Variants in TEX46 observed in about 807,000 individuals in gnomAD.
The protein encoded by TEX46 is testis expressed 46, also known as testis-expressed protein 46.
TEX46 carries 6 observed loss-of-function variants against 5.3 expected under a neutral mutation model. The ratio of observed to expected loss-of-function variants is 1.13; its 90% CI spans 0.62 to 2.23. The LOEUF (loss-of-function observed/expected upper bound fraction) is 2.23, where lower values mean the gene tolerates loss of function less well. Ranked by LOEUF, TEX46 falls within the 30% of genes most tolerant of loss-of-function variation. TEX46 has a pLI of 0.00. For missense variants in TEX46, 131 were observed against 150.9 expected, an observed-to-expected ratio of 0.87 and a Z score of 0.69; for synonymous variants, 41 against 54.6, an observed-to-expected ratio of 0.75 and a Z score of 1.10.
intron 2 of TEX46, among the ~76,000 whole-genome samples, chr1:23,012,676 G>A (rs543915881): frequency 6.6e-6 from 1 of 152,300 alleles, no homozygotes; most frequent in East Asian, 1.9e-4. Flanking sequence ...GAAATGGCAG[G>A]TGTGCTACTT....
chr1:23,013,491 T>G (rs1641379278), intron 2 of TEX46, among the ~76,000 whole-genome samples: 1 of 152,256 alleles, frequency 6.6e-6, no homozygotes, highest in Non-Finnish European at 1.5e-5. Context: ...TTTTTAACAT[T>G]AAATGAAAGA....
chr1:23,012,359 A>T (rs747536992), intron 2 of TEX46, among the ~76,000 whole-genome samples: 4 of 9,410 alleles, frequency 4.3e-4, no homozygotes, highest in Non-Finnish European at 1.9e-3. Context: ...CTAAATACAT[A>T]AAAAAAAAAA....
intron 2 of TEX46, 56 bp downstream of exon 2, chr1:23,013,827 C>A: frequency 6.7e-7 from 1 of 1,493,324 alleles, no homozygotes. Flanking sequence ...CCCACCTAAT[C>A]TAGCTGCAAA....
Position 23,010,879 on chromosome 1 carries a change from AG to A in TEX46, c.*21del. On this transcript the variant is annotated 3_prime_UTR_variant, in exon 3 of 3. Coordinates refer to ENST00000566855, the MANE Select transcript of TEX46 (RefSeq NM_001242521.2). ...CTGAGGTAAAAGGTAACATCGGCAG[AG>A]GCCAGCCCGCCTCGGCCTCATTAGC... 6.6e-7 allele frequency: 1 copy of A among 1,511,836 alleles called. No homozygotes were observed. Among genetic ancestry groups the A allele is most frequent in the Non-Finnish European group, 8.9e-7 (1 of 1,127,474 alleles). 93.7% of individuals were successfully genotyped at this position (1,511,836 alleles called of 1,614,324 possible).
chr1:23,011,653 G>A (rs964863850), intron 2 of TEX46, among the ~76,000 whole-genome samples: 7 of 152,148 alleles, frequency 4.6e-5, no homozygotes, highest in African/African-American at 1.4e-4. Context: ...TCGAACTCCC[G>A]ACCTCAGGTG....
chr1:23,015,329 G>T (rs1430353299), intron 1 of TEX46, among the ~76,000 whole-genome samples: 1 of 149,748 alleles, frequency 6.7e-6, no homozygotes, highest in East Asian at 2.0e-4. Flanking sequence ...TCAGCTACTC[G>T]GGAGGCTGAG....
intron 2 of TEX46, among the ~76,000 whole-genome samples, chr1:23,011,734 A>C (rs1184669830): frequency 6.6e-6 from 1 of 152,114 alleles, no homozygotes; most frequent in African/African-American, 2.4e-5. Context: ...TTGGGAGGTC[A>C]CTTTCTCAGC....
At chr1:23,012,534 T>C (rs982459857) in intron 2 of TEX46, among the ~76,000 whole-genome samples, 1 of 152,204 alleles carries the variant, frequency 6.6e-6, no homozygotes, top group Non-Finnish European at 1.5e-5. Context: ...CTGAATATCA[T>C]CACCTTAACT....
At chr1:23,015,436 C>CAAAAAAAAAAAAAAAAAAAAAAAAAAAA (rs61258225) in intron 1 of TEX46, among the ~76,000 whole-genome samples, 1 of 27,766 alleles carries the variant, frequency 3.6e-5, no homozygotes, top group Non-Finnish European at 5.8e-5. Context: ...GACTCCTTCT[C>CAAAAAAAAAAAAAAAAAAAAAAAAAAAA]AAAAAAAAAA....
intron 1 of TEX46, 57 bp from the exon 2 acceptor site, chr1:23,014,102 G>T: frequency 6.7e-7 from 1 of 1,503,086 alleles, no homozygotes; most frequent in Non-Finnish European, 8.9e-7. Flanking sequence ...CAGGCCCCAG[G>T]ACCCTGCCTC....
chr1:23,014,906 C>T (rs994193504), intron 1 of TEX46, among the ~76,000 whole-genome samples: 1 of 151,794 alleles, frequency 6.6e-6, no homozygotes, highest in African/African-American at 2.4e-5. Context: ...GCACTGGTAC[C>T]ATCTTGGCTC....
chr1:23,012,659 T>C (rs1641368797), intron 2 of TEX46, among the ~76,000 whole-genome samples: 1 of 152,178 alleles, frequency 6.6e-6, no homozygotes, highest in South Asian at 2.1e-4. Flanking sequence ...ATACTTTGGA[T>C]TGTCATGAAA....
In TEX46 at chr1:23,010,984, A is replaced by G. The variant is rs1236032209; in HGVS notation, c.283T>C (p.Phe95Leu). The change falls in exon 3 of 3, where the codon TTT becomes CTT. Residue 95 changes from phenylalanine (F) to leucine (L), a missense_variant. Phe to Leu is a conservative substitution (Grantham distance 22, BLOSUM62 0). Coordinates refer to ENST00000566855, the MANE Select transcript of TEX46 (RefSeq NM_001242521.2). The stretch of plus-strand genomic sequence containing the variant: ...CTCATTCTGTGTTTTTTCATGGGAA[A>G]ATTCCGATGTCTGCTTGACCGCCCG... ...HHGRSSRHRNFPMKKHRMRRH... is the reference protein window; with the variant it reads ...HHGRSSRHRNLPMKKHRMRRH... The G allele has an allele frequency of 4.0e-5, 62 of 1,535,660 alleles. No individual in the cohort carries two copies. Among genetic ancestry groups the G allele is most frequent in the Non-Finnish European group, 5.1e-5 (59 of 1,146,678 alleles).
intron 1 of TEX46, among the ~76,000 whole-genome samples, chr1:23,015,142 G>A (rs77030379): frequency 0.05 from 7,569 of 150,832 alleles, 629 homozygotes; most frequent in African/African-American, 0.17. Context: ...CGTGCCCAGT[G>A]AAGACATCAG....
At chr1:23,011,959 TTTATCTCTATGATCC>T (rs887836889) in intron 2 of TEX46, among the ~76,000 whole-genome samples, 11 of 152,324 alleles carry the variant, frequency 7.2e-5, no homozygotes, top group Non-Finnish European at 1.3e-4. Flanking sequence ...ATGACATGCT[TTTATCTCTATGATCC>T]TCATCTCTCC....
In TEX46 at chr1:23,010,869, A is replaced by G. The variant is rs1384761850; in HGVS notation, c.*32T>C. The G allele has an allele frequency of 5.4e-6, 8 of 1,485,430 alleles. No homozygotes were observed. In the East Asian group the frequency reaches 2.0e-4, roughly 37 times the overall value. 92.0% of individuals were successfully genotyped at this position (1,485,430 alleles called of 1,614,324 possible). A position where few individuals can be genotyped will look rare whatever the true frequency, so the allele number is the denominator to read the frequency against. Reference sequence around the variant, plus strand: ...CTGGGTTTTACTGAGGTAAAAGGTAACATCGGCAGAGGCCAGCCCGCCTCG... The same window carrying G: ...CTGGGTTTTACTGAGGTAAAAGGTAGCATCGGCAGAGGCCAGCCCGCCTCG... On this transcript the variant is annotated 3_prime_UTR_variant, in exon 3 of 3. Transcript: ENST00000566855.
intron 1 of TEX46, among the ~76,000 whole-genome samples, chr1:23,015,344 G>C (rs1479235499): frequency 7.0e-6 from 1 of 142,272 alleles, no homozygotes; most frequent in African/African-American, 2.6e-5. Flanking sequence ...GCTGAGGCAG[G>C]AGAATTGCTG....
chr1:23,013,191 T>G (rs752895999), intron 2 of TEX46, among the ~76,000 whole-genome samples: 2 of 149,720 alleles, frequency 1.3e-5, no homozygotes, highest in Non-Finnish European at 3.0e-5. Context: ...TTTTTGTTTT[T>G]AGATGGAAGC....
At chr1:23,011,291 T>C (rs189247673) in intron 2 of TEX46, 190 bp from the exon 3 acceptor site, 23 of 549,380 alleles carry the variant, frequency 4.2e-5, no homozygotes, top group Non-Finnish European at 1.6e-5. Flanking sequence ...TGCCAGGTGG[T>C]TTACAAACAT....
Sources: gnomAD v4.1 joint callset for allele counts (sites outside exome capture counted in the v4.1 genomes callset) on GRCh38, gnomAD v4.1.1 for gene constraint, MANE v1.5 for transcripts, NCBI Gene and HGNC (gene_info 2026-07-23, HGNC 2026-07-21) for gene names.